The following AFG2A variants were observed in gnomAD, a reference collection of about 807,000 sequenced individuals.
AFG2A encodes the protein ATPase family gene 2 protein homolog A.
the AFG2A span, among the ~76,000 whole-genome samples, chr4:122,955,064 C>T: frequency 6.6e-6 from 1 of 152,146 alleles, no homozygotes; most frequent in Non-Finnish European, 1.5e-5. Context: ...GTGTTAACTT[C>T]TGTAAGGATG....
the AFG2A span, among the ~76,000 whole-genome samples, chr4:123,293,998 C>G: frequency 6.6e-6 from 1 of 152,212 alleles, no homozygotes; most frequent in Non-Finnish European, 1.5e-5. Flanking sequence ...TGATTATTCA[C>G]CTATAACTTT....
chr4:123,016,770 C>T, the AFG2A span, among the ~76,000 whole-genome samples: 1 of 152,122 alleles, frequency 6.6e-6, no homozygotes, highest in African/African-American at 2.4e-5. Flanking sequence ...CCAAGGCAGG[C>T]GGCTGGGAGG....
chr4:123,254,085 T>C, the AFG2A span, among the ~76,000 whole-genome samples: 1 of 152,204 alleles, frequency 6.6e-6, no homozygotes, highest in Non-Finnish European at 1.5e-5. Context: ...ATGAGGATTC[T>C]TTATATATTT....
the AFG2A span, among the ~76,000 whole-genome samples, chr4:123,251,374 T>C: frequency 2.0e-5 from 3 of 152,162 alleles, no homozygotes; most frequent in South Asian, 4.1e-4. Flanking sequence ...TTGTTAGTTA[T>C]ATTTCAGAAA....
chr4:123,149,078 T>C, the AFG2A span, among the ~76,000 whole-genome samples: 3 of 152,298 alleles, frequency 2.0e-5, no homozygotes, highest in East Asian at 5.8e-4. Flanking sequence ...ACACACACAC[T>C]GTTTTTATAC....
chr4:123,015,276 AG>A, the AFG2A span, among the ~76,000 whole-genome samples: 2 of 150,080 alleles, frequency 1.3e-5, no homozygotes, highest in African/African-American at 2.5e-5. Context: ...AGGGAGGGTC[AG>A]CAGATAAACA....
the AFG2A span, among the ~76,000 whole-genome samples, chr4:123,272,577 C>G: frequency 6.6e-6 from 1 of 151,910 alleles, no homozygotes; most frequent in African/African-American, 2.4e-5. Flanking sequence ...AGACAAGTTA[C>G]AACCAAAGGA....
the AFG2A span, among the ~76,000 whole-genome samples, chr4:123,036,716 A>G: frequency 1.3e-5 from 2 of 151,928 alleles, no homozygotes; most frequent in African/African-American, 4.8e-5. Flanking sequence ...GAAATGTGTC[A>G]TTTTTCTTTT....
the AFG2A span, among the ~76,000 whole-genome samples, chr4:123,019,287 T>TC: frequency 6.6e-6 from 1 of 151,666 alleles, no homozygotes; most frequent in Admixed American, 6.6e-5. Flanking sequence ...CAAGACCATT[T>TC]TTTTTTTTAC....
the AFG2A span, among the ~76,000 whole-genome samples, chr4:123,272,636 C>G: frequency 2.0e-5 from 3 of 152,150 alleles, no homozygotes; most frequent in Non-Finnish European, 4.4e-5. Flanking sequence ...ATACAGGCAT[C>G]GTAGCCTACT....
the AFG2A span, among the ~76,000 whole-genome samples, chr4:123,230,057 C>T: frequency 2.0e-5 from 3 of 151,978 alleles, no homozygotes; most frequent in East Asian, 3.9e-4. Flanking sequence ...GTGGGTCTTG[C>T]CTCCATAAAG....
the AFG2A span, among the ~76,000 whole-genome samples, chr4:123,081,132 C>T: frequency 1.3e-5 from 2 of 152,132 alleles, no homozygotes; most frequent in African/African-American, 4.8e-5. Flanking sequence ...CCATAATTAA[C>T]ATTAGGGTTA....
At chr4:123,073,719 G>T in the AFG2A span, among the ~76,000 whole-genome samples, 68,274 of 152,014 alleles carry the variant, frequency 0.45, 18,667 homozygotes, top group Non-Finnish European at 0.6. Flanking sequence ...CGTCGGATTT[G>T]TCAGGTCAAC....
chr4:122,989,693 G>A, the AFG2A span, among the ~76,000 whole-genome samples: 4 of 152,224 alleles, frequency 2.6e-5, no homozygotes, highest in African/African-American at 9.6e-5. Flanking sequence ...ACCTTGGGCT[G>A]GGATAGGGCA....
the AFG2A span, among the ~76,000 whole-genome samples, chr4:123,055,359 T>C: frequency 1.3e-5 from 2 of 152,180 alleles, no homozygotes; most frequent in Non-Finnish European, 2.9e-5. Flanking sequence ...TCTAGGAACA[T>C]TTCTTGACTC....
At chr4:122,955,388 A>C in the AFG2A span, among the ~76,000 whole-genome samples, 2 of 152,142 alleles carry the variant, frequency 1.3e-5, no homozygotes, top group Non-Finnish European at 2.9e-5. Flanking sequence ...ATCGCCTCCC[A>C]GTGGTCCTAC....
chr4:123,082,444 A>G, the AFG2A span, among the ~76,000 whole-genome samples: 1 of 150,306 alleles, frequency 6.7e-6, no homozygotes, highest in Non-Finnish European at 1.5e-5. Flanking sequence ...AGCTGTATTT[A>G]TGTGGGTCTA....
chr4:122,979,224 CTTT>C, the AFG2A span: 1 of 1,613,096 alleles, frequency 6.2e-7, no homozygotes, highest in Non-Finnish European at 8.5e-7. Context: ...ACTTTCCTCT[CTTT>C]ATAGGTCTCT....
chr4:123,216,408 T>C, the AFG2A span, among the ~76,000 whole-genome samples: 1 of 152,176 alleles, frequency 6.6e-6, no homozygotes, highest in Non-Finnish European at 1.5e-5. Context: ...AATCCAAGAT[T>C]GAATCTGCCT....
Sources: allele counts gnomAD v4.1 joint callset (sites outside exome capture counted in the v4.1 genomes callset), GRCh38; gene constraint gnomAD v4.1.1; transcripts MANE v1.5; gene names NCBI Gene and HGNC (gene_info 2026-07-23, HGNC 2026-07-21).